The following MFHAS1 variants were observed in gnomAD, a reference collection of about 807,000 sequenced individuals.
MFHAS1 encodes the protein multifunctional ROCO family signaling regulator 1, also known as malignant fibrous histiocytoma-amplified sequence 1.
Under a neutral mutation model 70.4 loss-of-function variants are expected in MFHAS1, and 50 were observed. The observed-to-expected ratio is 0.71, with a 90% CI of 0.57 to 0.90. The LOEUF is 0.90. Ranked by LOEUF, MFHAS1 falls within the 40% of genes least tolerant of loss-of-function variation. The probability of loss-of-function intolerance (pLI) is 0.00; values close to 1 mark genes in which losing one functional copy is unlikely to be tolerated. For synonymous variants in MFHAS1, 952 were observed against 620.0 expected (o/e 1.54, Z -7.96); for missense variants, 1,795 against 1,347.6 (o/e 1.33, Z -5.20).
intron 1 of MFHAS1, among the ~76,000 whole-genome samples, chr8:8,817,907 A>G (rs1264619234): frequency 6.6e-6 from 1 of 152,152 alleles, no homozygotes; most frequent in Non-Finnish European, 1.5e-5. Flanking sequence ...AGCTATAAAC[A>G]CAGATGAAAC....
intron 1 of MFHAS1, among the ~76,000 whole-genome samples, chr8:8,855,086 G>A (rs878980396): frequency 1.3e-5 from 2 of 152,034 alleles, no homozygotes; most frequent in Admixed American, 6.6e-5. Flanking sequence ...TGGGGGGTTT[G>A]GTTCTAGGGC....
At chr8:8,889,787 C>A (rs772231458) in intron 1 of MFHAS1, among the ~76,000 whole-genome samples, 8 of 152,118 alleles carry the variant, frequency 5.3e-5, no homozygotes, top group Non-Finnish European at 1.0e-4. Context: ...TGGGCTACAT[C>A]GACAAGAGGG....
rs150005104 is a variant in MFHAS1, at chr8:8,815,665, T to C, written c.2999-18174A>G. 8.1e-4 allele frequency among the ~76,000 whole-genome samples: 123 copies of C among 152,336 alleles called. 2 individuals are homozygous for C. Among genetic ancestry groups the C allele is most frequent in the African/African-American group, 2.8e-3 (118 of 41,574 alleles). On this transcript the variant is annotated intron_variant, in intron 1 of 2. Coordinates refer to ENST00000276282, the MANE Select transcript of MFHAS1 (RefSeq NM_004225.3). ...TGTTTGTTGCATGCCTACTAGAATT[T>C]ATAAAATGAAAAACACTCAGCATAA... is the stretch of plus-strand genomic sequence containing the variant.
intron 1 of MFHAS1, among the ~76,000 whole-genome samples, chr8:8,827,294 G>A (rs560170682): frequency 6.6e-6 from 1 of 152,184 alleles, no homozygotes; most frequent in African/African-American, 2.4e-5. Context: ...ACATTTACAG[G>A]GTCATTAGTG....
intron 1 of MFHAS1, among the ~76,000 whole-genome samples, chr8:8,883,706 T>TAAAAAA (rs1563219802): frequency 2.8e-5 from 1 of 35,706 alleles, no homozygotes; most frequent in African/African-American, 1.9e-4. Context: ...AGACTCAGTC[T>TAAAAAA]CAAAAAAAAA....
intron 1 of MFHAS1, among the ~76,000 whole-genome samples, chr8:8,803,466 G>A (rs1253085991): frequency 2.7e-5 from 4 of 147,790 alleles, no homozygotes; most frequent in Non-Finnish European, 5.9e-5. Flanking sequence ...GCAGTGAGCC[G>A]AAATCGCACC....
intron 1 of MFHAS1, among the ~76,000 whole-genome samples, chr8:8,802,280 C>A (rs949881603): frequency 7.9e-5 from 12 of 152,184 alleles, no homozygotes; most frequent in Non-Finnish European, 1.6e-4. Context: ...GACAGTAGGA[C>A]TGACTAAACT....
intron 1 of MFHAS1, among the ~76,000 whole-genome samples, chr8:8,804,468 C>G (rs964128245): frequency 6.6e-6 from 1 of 152,220 alleles, no homozygotes; most frequent in African/African-American, 2.4e-5. Flanking sequence ...GCTTTGGAAA[C>G]CATTTGTGAA....
intron 1 of MFHAS1, among the ~76,000 whole-genome samples, chr8:8,820,768 C>T (rs992767527): frequency 6.6e-6 from 1 of 152,192 alleles, no homozygotes; most frequent in Non-Finnish European, 1.5e-5. Flanking sequence ...AATCTCTAGC[C>T]GTCTGGCCAG....
At chr8:8,791,662 A>C (rs1232652952) in intron 2 of MFHAS1, among the ~76,000 whole-genome samples, 2 of 152,218 alleles carry the variant, frequency 1.3e-5, no homozygotes, top group African/African-American at 4.8e-5. Context: ...GAATTCACAA[A>C]TAAAAGCTTT....
rs76778539 is a variant in MFHAS1, at chr8:8,873,138, A to C, written c.2998+16923T>G. On this transcript the variant is annotated intron_variant, in intron 1 of 2. Coordinates refer to ENST00000276282, the MANE Select transcript of MFHAS1 (RefSeq NM_004225.3). ...ATCATAGTGTTCTTTTGGAAAATTCACATTTCTATTTTTAGTTCTTCCACA... is the reference window on the plus strand; with the variant it reads ...ATCATAGTGTTCTTTTGGAAAATTCCCATTTCTATTTTTAGTTCTTCCACA... 1.7e-3 allele frequency among the ~76,000 whole-genome samples: 258 copies of C among 152,326 alleles called. 2 individuals are homozygous for C. Among genetic ancestry groups the C allele is most frequent in the African/African-American group, 6.0e-3 (250 of 41,572 alleles).
intron 2 of MFHAS1, among the ~76,000 whole-genome samples, chr8:8,792,771 A>G (rs1324290930): frequency 6.6e-6 from 1 of 152,234 alleles, no homozygotes; most frequent in Non-Finnish European, 1.5e-5. Flanking sequence ...AACTCTGCAA[A>G]TACGTTAGTA....
chr8:8,854,816 G>C (rs1193794561), intron 1 of MFHAS1, among the ~76,000 whole-genome samples: 1 of 152,190 alleles, frequency 6.6e-6, no homozygotes, highest in Non-Finnish European at 1.5e-5. Flanking sequence ...GTATACATGA[G>C]ACCCACCCAT....
At chr8:8,848,294 G>C (rs1000961995) in intron 1 of MFHAS1, among the ~76,000 whole-genome samples, 1 of 151,946 alleles carries the variant, frequency 6.6e-6, no homozygotes, top group Non-Finnish European at 1.5e-5. Context: ...TTCAAAGAAG[G>C]GATTATGACT....
chr8:8,831,855 G>C (rs892780500), intron 1 of MFHAS1, among the ~76,000 whole-genome samples: 1 of 152,020 alleles, frequency 6.6e-6, no homozygotes, highest in Non-Finnish European at 1.5e-5. Flanking sequence ...TGATCCGTCT[G>C]CCTGCCTCAG....
chr8:8,819,755 G>C (rs2117299947), intron 1 of MFHAS1, among the ~76,000 whole-genome samples: 1 of 152,240 alleles, frequency 6.6e-6, no homozygotes, highest in Non-Finnish European at 1.5e-5. Flanking sequence ...CTGGAGTGTG[G>C]TGGTATGATC....
chr8:8,888,645 ATAAG>A (rs1809865389), intron 1 of MFHAS1, among the ~76,000 whole-genome samples: 1 of 152,226 alleles, frequency 6.6e-6, no homozygotes, highest in Non-Finnish European at 1.5e-5. Flanking sequence ...AAAATCCCAT[ATAAG>A]TAAAACGCAA....
At chr8:8,848,306 C>T (rs1445185167) in intron 1 of MFHAS1, among the ~76,000 whole-genome samples, 1 of 151,900 alleles carries the variant, frequency 6.6e-6, no homozygotes, top group African/African-American at 2.4e-5. Flanking sequence ...ATTATGACTC[C>T]AATTTACACA....
chr8:8,787,155 A>G (rs1046429028), intron 2 of MFHAS1, among the ~76,000 whole-genome samples: 7 of 150,896 alleles, frequency 4.6e-5, no homozygotes, highest in African/African-American at 1.7e-4. Context: ...ATCTCGGCTC[A>G]CTGCAAGCTC....
Sources: allele counts gnomAD v4.1 joint callset (sites outside exome capture counted in the v4.1 genomes callset), GRCh38; gene constraint gnomAD v4.1.1; transcripts MANE v1.5; gene names NCBI Gene and HGNC (gene_info 2026-07-23, HGNC 2026-07-21).